SLC9A6: variants seen among roughly 807,000 people sequenced by gnomAD.
SLC9A6 encodes the protein sodium/hydrogen exchanger 6.
A neutral mutation model predicts 45.3 loss-of-function variants in SLC9A6; 6 were observed. That is an observed-to-expected ratio of 0.13 (90% CI 0.07 to 0.26). The LOEUF is 0.26. Among genes scored for constraint, SLC9A6 ranks in the 10% least tolerant of loss-of-function variants. The probability of loss-of-function intolerance (pLI) is 1.00; values close to 1 mark genes in which losing one functional copy is unlikely to be tolerated. For synonymous variants in SLC9A6, 191 were observed against 187.7 expected (o/e 1.02, Z -0.14); for missense variants, 278 against 503.7 (o/e 0.55, Z 4.29).
At chrX:135,981,387 C>T (rs1351939587), upstream of SLC9A6, among the ~76,000 whole-genome samples, 1 of 111,575 alleles carries the variant, frequency 9.0e-6, no homozygotes, top group Non-Finnish European at 1.9e-5. Flanking sequence ...GATCCAATCA[C>T]CTCCCACCAG....
intron 13 of SLC9A6, among the ~76,000 whole-genome samples, chrX:136,028,611 A>G (rs1556620793): frequency 8.9e-6 from 1 of 112,708 alleles, no homozygotes; most frequent in Non-Finnish European, 1.9e-5. Context: ...TTAGAGTTTA[A>G]TGTGACTGAG....
chrX:136,016,798 A>G (rs782808327), intron 11 of SLC9A6, 40 bp downstream of exon 11: 1 of 785,888 alleles, frequency 1.3e-6, no homozygotes, highest in South Asian at 2.3e-5. Context: ...AATATTTTTA[A>G]TTGAGATTTT....
chrX:136,007,482 C>T (rs1556618132), intron 7 of SLC9A6, among the ~76,000 whole-genome samples: 1 of 111,586 alleles, frequency 9.0e-6, no homozygotes, highest in Non-Finnish European at 1.9e-5. Context: ...ATTGGTATTA[C>T]CTTTTATCAC....
intron 16 of SLC9A6, among the ~76,000 whole-genome samples, chrX:136,034,216 C>A (rs1435652053): frequency 1.2e-4 from 13 of 110,823 alleles, no homozygotes; most frequent in Non-Finnish European, 1.9e-5. Context: ...CACCTGAGCT[C>A]CGCCTCCTGT....
intron 8 of SLC9A6, 94 bp downstream of exon 8, chrX:136,010,677 A>G (rs1556618547): frequency 1.2e-6 from 1 of 809,089 alleles, no homozygotes; most frequent in African/African-American, 2.1e-5. Flanking sequence ...GATTAGAATT[A>G]TGTTAGAATT....
intron 15 of SLC9A6, among the ~76,000 whole-genome samples, chrX:136,032,500 G>A (rs1556621258): frequency 8.9e-6 from 1 of 112,276 alleles, no homozygotes; most frequent in African/African-American, 3.2e-5. Flanking sequence ...AGAGAGAAAG[G>A]GACTTGCTTA....
chrX:136,002,577 T>C (rs1569524487), intron 7 of SLC9A6, among the ~76,000 whole-genome samples: 1 of 110,824 alleles, frequency 9.0e-6, no homozygotes, highest in Non-Finnish European at 1.9e-5. Context: ...TTTTTTTTTT[T>C]GGAGATAAGA....
upstream of SLC9A6, among the ~76,000 whole-genome samples, chrX:135,984,666 G>A (rs1301040076): frequency 9.0e-6 from 1 of 111,494 alleles, no homozygotes; most frequent in Admixed American, 9.5e-5. Context: ...AGAGATAGGG[G>A]TCAAGGGTGA....
At chrX:135,985,418 C>T (rs933079856), upstream of SLC9A6, 9 of 663,500 alleles carry the variant, frequency 1.4e-5, no homozygotes, top group Admixed American at 4.2e-4. Flanking sequence ...TACCCCCGGG[C>T]CCCGCCCCTT....
intron 2 of SLC9A6, among the ~76,000 whole-genome samples, chrX:135,989,662 C>G (rs782763276): frequency 8.9e-6 from 1 of 112,042 alleles, no homozygotes; most frequent in Admixed American, 9.5e-5. Flanking sequence ...ACTTAATGCC[C>G]TAGTGATGTT....
chrX:135,978,671 A>G (rs1250536592), intron 1 of SLC9A6, among the ~76,000 whole-genome samples: 2 of 110,866 alleles, frequency 1.8e-5, no homozygotes, highest in Non-Finnish European at 3.8e-5. Context: ...AAAAAAATCA[A>G]ATAGCCTTCC....
At chrX:136,004,945 G>A (rs973491911) in intron 7 of SLC9A6, among the ~76,000 whole-genome samples, 8 of 112,272 alleles carry the variant, frequency 7.1e-5, no homozygotes, top group African/African-American at 2.3e-4. Context: ...CTTCCAGTAC[G>A]TAGGTACATG....
At chrX:136,016,826 T>C (rs1056546486) in intron 11 of SLC9A6, 68 bp downstream of exon 11, 12 of 607,088 alleles carry the variant, frequency 2.0e-5, no homozygotes, top group South Asian at 5.3e-5. Context: ...GTTTTGAGTA[T>C]GTGGTTCATA....
At chrX:135,974,727 A>T (rs1556613142) in exon 1 of SLC9A6, 1 of 341,654 alleles carries the variant, frequency 2.9e-6, no homozygotes, top group Non-Finnish European at 5.9e-6. Context: ...ACAAAATCCC[A>T]GGATCTGGAA....
intron 2 of SLC9A6, among the ~76,000 whole-genome samples, 183 bp downstream of exon 2, chrX:135,986,010 C>G (rs2089332159): frequency 9.2e-6 from 1 of 108,997 alleles, no homozygotes; most frequent in Non-Finnish European, 1.9e-5. Context: ...TCTTCAGCCT[C>G]GCGCCCCATT....
At chrX:135,997,492 C>T (rs782210901) in intron 3 of SLC9A6, among the ~76,000 whole-genome samples, 3 of 97,079 alleles carry the variant, frequency 3.1e-5, no homozygotes, top group African/African-American at 1.2e-4. Flanking sequence ...ACTGCAATCT[C>T]TGCCTCCCGA....
chrX:135,985,464 C>T lies in SLC9A6; in HGVS notation c.-70C>T. On this transcript the variant is annotated 5_prime_UTR_variant, in exon 1 of 18. Coordinates refer to ENST00000630721, the MANE Select transcript of SLC9A6 (RefSeq NM_001379110.1). ...CCTCGGGGAGTGGTCCGACCGCGGG[C>T]GGCCGCCGGTGAGGTAGGGGCGGGA... 2.0e-6 allele frequency: 2 copies of T among 1,000,596 alleles called. No homozygotes were observed. The highest frequency in any genetic ancestry group is 2.6e-6 in the Non-Finnish European group (2 of 780,863). 82.5% of individuals were successfully genotyped at this position (1,000,596 alleles called of 1,213,427 possible).
intron 3 of SLC9A6, among the ~76,000 whole-genome samples, chrX:135,996,761 T>G (rs782616511): frequency 1.4e-4 from 16 of 111,079 alleles, no homozygotes; most frequent in Admixed American, 2.9e-4. Flanking sequence ...TTTTGTTTTT[T>G]TTTGTTTGTT....
chrX:136,035,738 T>C (rs1056611806), intron 16 of SLC9A6, among the ~76,000 whole-genome samples: 2 of 109,748 alleles, frequency 1.8e-5, no homozygotes, highest in Non-Finnish European at 3.8e-5. Context: ...GTTTAACGTG[T>C]TTTTTGTTTG....
Sources: allele counts gnomAD v4.1 joint callset (sites outside exome capture counted in the v4.1 genomes callset), GRCh38; gene constraint gnomAD v4.1.1; transcripts MANE v1.5; gene names NCBI Gene and HGNC (gene_info 2026-07-23, HGNC 2026-07-21).